Variants in GRSF1 observed in about 807,000 individuals in gnomAD.
GRSF1 encodes G-rich sequence factor 1.
Under a neutral mutation model 51.1 loss-of-function variants are expected in GRSF1, and 50 were observed. The ratio of observed to expected loss-of-function variants is 0.98; its 90% CI spans 0.78 to 1.24. GRSF1 has a LOEUF of 1.24. Ranked by LOEUF, GRSF1 falls within the 50% of genes most tolerant of loss-of-function variation. The pLI is 0.00. For synonymous variants in GRSF1, 293 were observed against 253.3 expected (o/e 1.16, Z -1.49); for missense variants, 700 against 639.7 (o/e 1.09, Z -1.02).
At chr4:70,823,655 A>G (rs929443501) in intron 9 of GRSF1, among the ~76,000 whole-genome samples, 6 of 151,824 alleles carry the variant, frequency 4.0e-5, no homozygotes, top group African/African-American at 1.2e-4. Context: ...GGATCACTTA[A>G]GGCCAGAAGT....
At chr4:70,828,312 A>G (rs1322986088) in intron 5 of GRSF1, among the ~76,000 whole-genome samples, 1 of 152,214 alleles carries the variant, frequency 6.6e-6, no homozygotes. Context: ...TCATGAGAAC[A>G]ACTATGCTTA....
chr4:70,838,883 G>T, intron 1 of GRSF1: 1 of 324,662 alleles, frequency 3.1e-6, no homozygotes. Context: ...TGTATGAGTG[G>T]AGTTGCAGAG....
At chr4:70,836,335 T>A in intron 1 of GRSF1, 21 bp from the exon 2 acceptor site, 1 of 1,508,080 alleles carries the variant, frequency 6.6e-7, no homozygotes. Flanking sequence ...AAATGAAGAA[T>A]TGTAAAAAGA....
At chr4:70,841,250 C>T (rs1032479053), upstream of GRSF1, among the ~76,000 whole-genome samples, 22 of 152,182 alleles carry the variant, frequency 1.4e-4, no homozygotes, top group African/African-American at 5.1e-4. Context: ...CACCACTGAA[C>T]TCCAGCCTGG....
rs774654692 is a variant in GRSF1 at position 70,833,203 on chromosome 4, A to G, written c.585T>C (p.Asp195=). The G allele has an allele frequency of 1.2e-6, 2 of 1,613,808 alleles. No homozygotes were observed. The highest frequency in any genetic ancestry group is 1.7e-6 in the Non-Finnish European group (2 of 1,179,720). Residue 195 remains aspartate, a synonymous_variant, in exon 3 of 10, where the codon GAT becomes GAC. Coordinates refer to ENST00000254799, the MANE Select transcript of GRSF1 (RefSeq NM_002092.4). ...LLNRDGKRRG[D]ALIEMESEQD... ...GCTCTGACTCCATTTCAATTAAGGC[A>G]TCACCCCTTCGTTTCCCATCTCTGT...
At position 70,818,954 on chromosome 4, in the gene GRSF1, T is replaced by C. The variant is rs2148832444; in HGVS notation, c.*1933A>G. ...ATTATGTGCTTCTCTTCCTTTCCCA[T>C]AACTACATCCACCTTAGCAATCACT... On this transcript the variant is annotated 3_prime_UTR_variant, in exon 10 of 10. Coordinates refer to ENST00000254799, the MANE Select transcript of GRSF1 (RefSeq NM_002092.4). The C allele has an allele frequency of 2.0e-5, 3 of 152,244 alleles. No individual in the cohort carries two copies. The South Asian group carries it at 6.2e-4, about 32-fold the overall frequency. The allele number at this position is 152,244 out of a possible 1,614,324, so 9.4% of individuals were successfully genotyped here.
chr4:70,833,355 C>G, intron 2 of GRSF1, 82 bp from the exon 3 acceptor site: 1 of 1,212,076 alleles, frequency 8.3e-7, no homozygotes. Flanking sequence ...ATGCAGTTTT[C>G]CAACAACAAA....
chr4:70,826,921 T>C (rs1032993285), intron 6 of GRSF1, among the ~76,000 whole-genome samples: 2 of 152,192 alleles, frequency 1.3e-5, no homozygotes, highest in African/African-American at 4.8e-5. Context: ...AAAGTATTTA[T>C]GAAACTTAAA....
chr4:70,816,430 A>C lies in GRSF1; in HGVS notation c.*4457T>G, dbSNP rs144985768. 1 of 152,066 alleles carries C rather than the reference A, an allele frequency of 6.6e-6. No homozygotes were observed. The highest frequency in any genetic ancestry group is 2.4e-5 in the African/African-American group (1 of 41,468). The allele number at this position is 152,066 out of a possible 1,614,324, so 9.4% of individuals were successfully genotyped here. ...CCTTACTGCAAATCTCCCTCAAAAAAACTCCAATGACGGCTGGGTGTGGTG... is the reference window on the plus strand; with the variant it reads ...CCTTACTGCAAATCTCCCTCAAAAACACTCCAATGACGGCTGGGTGTGGTG... On this transcript the variant is annotated 3_prime_UTR_variant, in exon 10 of 10. Coordinates refer to ENST00000254799, the MANE Select transcript of GRSF1 (RefSeq NM_002092.4).
rs879113401 is a variant in GRSF1, at chr4:70,839,376, C to T, written c.357+95G>A. On this transcript the variant is annotated intron_variant, in intron 1 of 9. Coordinates refer to ENST00000254799, the MANE Select transcript of GRSF1 (RefSeq NM_002092.4). ...GAGTGTCGCGGATCCCCGGGCGTGC[C>T]CGCGAGGCGCACACGGAGGGACGGA... The T allele has an allele frequency of 5.3e-6, 8 of 1,507,468 alleles. No individual in the cohort carries two copies. The South Asian group carries it at 9.6e-5, about 18-fold the overall frequency. 93.4% of individuals were successfully genotyped at this position (1,507,468 alleles called of 1,614,324 possible).
In GRSF1 at chr4:70,836,586, T is replaced by A. The variant is rs112419189; in HGVS notation, c.358-272A>T. On this transcript the variant is annotated intron_variant, in intron 1 of 9. Transcript: ENST00000254799. ...AACCCCAAATTATAGCTAACAATAG[T>A]GTAGTTAAGGCAACACAAGAAAGGT... Among the ~76,000 whole-genome samples the A allele has an allele frequency of 3.3e-3, 509 of 152,254 alleles. 5 individuals carry two copies. The highest frequency in any genetic ancestry group is 0.012 in the African/African-American group (493 of 41,556).
rs745529718 is a variant in GRSF1, at chr4:70,832,463, A to C, written c.671-13T>G. 2.0e-5 allele frequency: 32 copies of C among 1,566,374 alleles called. No homozygotes were observed. The African/African-American group carries it at 3.9e-4, about 19-fold the overall frequency. ...TTTATCTCATATACTACGAAGAAAA[A>C]ACCCAACAGGGATGAAAAATTTACA... On this transcript the variant is annotated splice_polypyrimidine_tract_variant and intron_variant, in intron 3 of 9. Transcript: ENST00000254799.
rs1348218005 is a variant in GRSF1 at position 70,816,740 on chromosome 4, A to G, written c.*4147T>C. 2 of 152,238 alleles carry G rather than the reference A, an allele frequency of 1.3e-5. No individual in the cohort carries two copies. The highest frequency in any genetic ancestry group is 4.8e-5 in the African/African-American group (2 of 41,460). 9.4% of individuals were successfully genotyped at this position (152,238 alleles called of 1,614,324 possible). A position where few individuals can be genotyped will look rare whatever the true frequency, so the allele number is the denominator to read the frequency against. The stretch of plus-strand genomic sequence containing the variant: ...TGTCTCAAACACAAAAAACAAAAAC[A>G]AAAACAAATTCCCATGACATGTATG... On this transcript the variant is annotated 3_prime_UTR_variant, in exon 10 of 10. Coordinates refer to ENST00000254799, the MANE Select transcript of GRSF1 (RefSeq NM_002092.4).
chr4:70,837,446 C>T (rs576465347), intron 1 of GRSF1, among the ~76,000 whole-genome samples: 1 of 151,602 alleles, frequency 6.6e-6, no homozygotes, highest in African/African-American at 2.4e-5. Flanking sequence ...TGCCCGTAAT[C>T]CCAGCTACTC....
chr4:70,831,140 A>G (rs7438947), intron 5 of GRSF1, among the ~76,000 whole-genome samples: 138,348 of 152,094 alleles, frequency 0.91, 63,971 homozygotes, highest in East Asian at 1. Flanking sequence ...GGCGGATCAC[A>G]AGGTCGAGAG....
At chr4:70,836,571 T>C (rs1734220222) in intron 1 of GRSF1, among the ~76,000 whole-genome samples, 1 of 152,154 alleles carries the variant, frequency 6.6e-6, no homozygotes, top group Non-Finnish European at 1.5e-5. Context: ...AACCCCAAAT[T>C]ATAGCTAACA....
Position 70,821,794 on chromosome 4 carries a change from G to C in GRSF1, c.*26-933C>G, listed in dbSNP as rs1217129482. Reference sequence around the variant, plus strand: ...AGATTCATGTGATTCTCCTGCCTCAGCCTTCCCAGTAGCTGGAACTACAGA... The same window carrying C: ...AGATTCATGTGATTCTCCTGCCTCACCCTTCCCAGTAGCTGGAACTACAGA... On this transcript the variant is annotated intron_variant, in intron 9 of 9. Coordinates refer to ENST00000254799, the MANE Select transcript of GRSF1 (RefSeq NM_002092.4). Among the ~76,000 whole-genome samples, 8 of 150,932 alleles carry C rather than the reference G, an allele frequency of 5.3e-5. No homozygotes were observed. In the East Asian group the frequency reaches 1.6e-3, roughly 30 times the overall value.
rs1578288792 is a variant in GRSF1, at chr4:70,818,585, C to T, written c.*2302G>A. On this transcript the variant is annotated 3_prime_UTR_variant, in exon 10 of 10. Coordinates refer to ENST00000254799, the MANE Select transcript of GRSF1 (RefSeq NM_002092.4). ...ACATACTCTATTTCTGCTTCATTGC[C>T]TGGTGTCAATATTTAGATGAGACCA... 1 of 152,300 alleles carries T rather than the reference C, an allele frequency of 6.6e-6. No homozygotes were observed. The highest frequency in any genetic ancestry group is 1.9e-4 in the East Asian group (1 of 5,174). 9.4% of individuals were successfully genotyped at this position (152,300 alleles called of 1,614,324 possible).
At chr4:70,836,340 A>G (rs1373954363) in intron 1 of GRSF1, 26 bp from the exon 2 acceptor site, 1 of 1,484,842 alleles carries the variant, frequency 6.7e-7, no homozygotes, top group Admixed American at 2.5e-5. Flanking sequence ...AAGAATTGTA[A>G]AAAGAGTTGC....
Sources: allele counts gnomAD v4.1 joint callset (sites outside exome capture counted in the v4.1 genomes callset), GRCh38; gene constraint gnomAD v4.1.1; transcripts MANE v1.5; gene names NCBI Gene and HGNC (gene_info 2026-07-23, HGNC 2026-07-21).